TNR: variants seen among roughly 807,000 people sequenced by gnomAD.
TNR encodes the protein tenascin-R.
TNR carries 45 observed loss-of-function variants against 150.4 expected under a neutral mutation model. The ratio of observed to expected loss-of-function variants is 0.30; its 90% CI spans 0.24 to 0.38. The LOEUF (loss-of-function observed/expected upper bound fraction) is 0.38. TNR is among the 10% of genes least tolerant of loss of function. TNR has a pLI of 1.00. For synonymous variants in TNR, 687 were observed against 678.4 expected (o/e 1.01, Z -0.20); for missense variants, 1,544 against 1,759.1 (o/e 0.88, Z 2.19).
intron 2 of TNR, among the ~76,000 whole-genome samples, chr1:175,498,658 G>A (rs1339502832): frequency 6.6e-6 from 1 of 152,178 alleles, no homozygotes; most frequent in Non-Finnish European, 1.5e-5. Flanking sequence ...GCCCTAGTTT[G>A]AAGTTAAGCA....
rs905337038 is a variant in TNR at position 175,690,338 on chromosome 1, T to C, written c.-165+52888A>G. Among the ~76,000 whole-genome samples, 78 of 152,216 alleles carry C rather than the reference T, an allele frequency of 5.1e-4. 2 individuals are homozygous for C. Among genetic ancestry groups the C allele is most frequent in the Non-Finnish European group, 1.5e-5 (1 of 68,030 alleles). On this transcript the variant is annotated intron_variant, in intron 1 of 22. Coordinates refer to ENST00000367674, the MANE Select transcript of TNR (RefSeq NM_003285.3). ...CAACAAATGTTTACACAAGAACATA[T>C]GATCTGGTGACAAGTGTGCAAAGCA...
Position 175,403,422 on chromosome 1 carries a change from C to A in TNR, c.694G>T (p.Glu232Ter). ...CTGCAGTCTGTTGGGCACCGGAGTTCGGAACAGTCATCCCCGCTGTACTCG... is the reference window on the plus strand; with the variant it reads ...CTGCAGTCTGTTGGGCACCGGAGTTAGGAACAGTCATCCCCGCTGTACTCG... Reference protein sequence around the residue: ...DSEYSGDDCSELRCPTDCSSR... With the variant: ...DSEYSGDDCS The change falls in exon 4 of 23, where the codon GAA (glutamate) becomes TAA (stop). Residue 232 changes from glutamate (E) to a stop codon, truncating the protein, a stop_gained. Coordinates refer to ENST00000367674, the MANE Select transcript of TNR (RefSeq NM_003285.3). LOFTEE classifies it high-confidence loss of function. The A allele has an allele frequency of 1.2e-6, 2 of 1,614,224 alleles. No individual in the cohort carries two copies. The highest frequency in any genetic ancestry group is 1.7e-6 in the Non-Finnish European group (2 of 1,180,040).
chr1:175,531,120 T>G (rs1660051300), intron 1 of TNR, among the ~76,000 whole-genome samples: 1 of 152,224 alleles, frequency 6.6e-6, no homozygotes, highest in Admixed American at 6.5e-5. Context: ...TCTTTTCCAC[T>G]TAACCAGTTT....
rs1276970264 is a variant in TNR, at chr1:175,366,458, A to G, written c.2054-320T>C. ...TCTCCCATCCTTTCTCAATGAGCCAATAAGGATAAAATGGTAGCTACCACC... is the reference window on the plus strand; with the variant it reads ...TCTCCCATCCTTTCTCAATGAGCCAGTAAGGATAAAATGGTAGCTACCACC... On this transcript the variant is annotated intron_variant, in intron 10 of 22. Coordinates refer to ENST00000367674, the MANE Select transcript of TNR (RefSeq NM_003285.3). 2.6e-5 allele frequency among the ~76,000 whole-genome samples: 4 copies of G among 152,228 alleles called. No individual in the cohort carries two copies. In the East Asian group the frequency reaches 5.8e-4, roughly 22 times the overall value.
intron 1 of TNR, among the ~76,000 whole-genome samples, chr1:175,614,392 T>C (rs1663701343): frequency 6.6e-6 from 1 of 152,206 alleles, no homozygotes; most frequent in Non-Finnish European, 1.5e-5. Context: ...GTGTCCTCTC[T>C]GTTATTGAAC....
At chr1:175,440,278 A>G (rs948312632) in intron 2 of TNR, among the ~76,000 whole-genome samples, 4 of 152,010 alleles carry the variant, frequency 2.6e-5, no homozygotes, top group Non-Finnish European at 1.5e-5. Context: ...CACGAGGACA[A>G]AAAACCAAAC....
chr1:175,354,216 C>T (rs375140383), intron 18 of TNR, among the ~76,000 whole-genome samples, 175 bp downstream of exon 18: 2 of 152,140 alleles, frequency 1.3e-5, no homozygotes, highest in East Asian at 1.9e-4. Context: ...CTGGTTCCTG[C>T]GGTTACCTTG....
chr1:175,448,131 TC>T (rs560829217), intron 2 of TNR, among the ~76,000 whole-genome samples: 49 of 152,324 alleles, frequency 3.2e-4, no homozygotes, highest in Non-Finnish European at 6.2e-4. Flanking sequence ...AAACTTGGCT[TC>T]TCTGATTAGG....
chr1:175,365,306 C>T, intron 11 of TNR, 27 bp from the exon 12 acceptor site: 2 of 1,570,728 alleles, frequency 1.3e-6, no homozygotes, highest in Non-Finnish European at 1.7e-6. Flanking sequence ...ATGGATGGTC[C>T]TGAAACACGT....
chr1:175,326,523 C>G (rs1259634967), intron 21 of TNR, among the ~76,000 whole-genome samples: 1 of 152,202 alleles, frequency 6.6e-6, no homozygotes, highest in Non-Finnish European at 1.5e-5. Flanking sequence ...ATTCCGTCTT[C>G]TTCGTCTTCC....
At chr1:175,545,188 A>G (rs1476230807) in intron 1 of TNR, among the ~76,000 whole-genome samples, 1 of 152,220 alleles carries the variant, frequency 6.6e-6, no homozygotes, top group Admixed American at 6.5e-5. Context: ...AAAAGAAAAC[A>G]TTTTGAGAAC....
In TNR at chr1:175,331,070, T is replaced by TTCC. The variant is rs1557867964; in HGVS notation, c.3632-836_3632-835insGGA. Among the ~76,000 whole-genome samples, 11 of 113,834 alleles carry TTCC rather than the reference T, an allele frequency of 9.7e-5. 2 individuals are homozygous for TTCC. The highest frequency in any genetic ancestry group is 4.1e-4 in the African/African-American group (11 of 26,890). 74.7% of individuals were successfully genotyped at this position (113,834 alleles called of 152,430 possible). A position where few individuals can be genotyped will look rare whatever the true frequency, so the allele number is the denominator to read the frequency against. ...CTTTCTTTCTTTCTTTCTTTCTTTC[T>TTCC]TTCTTTCCTTCTTTCTTTCTTTCTT... On this transcript the variant is annotated intron_variant, in intron 20 of 22. Coordinates refer to ENST00000367674, the MANE Select transcript of TNR (RefSeq NM_003285.3).
chr1:175,650,533 C>A (rs1246323038), intron 1 of TNR, among the ~76,000 whole-genome samples: 1 of 151,786 alleles, frequency 6.6e-6, no homozygotes, highest in Non-Finnish European at 1.5e-5. Flanking sequence ...CTAATTGGTA[C>A]AGGCTAACAA....
At chr1:175,730,213 G>C (rs1667601076) in intron 1 of TNR, among the ~76,000 whole-genome samples, 1 of 152,134 alleles carries the variant, frequency 6.6e-6, no homozygotes, top group Non-Finnish European at 1.5e-5. Context: ...CCGAGCCTTT[G>C]CATATGCTGT....
chr1:175,663,752 C>T lies in TNR; in HGVS notation c.-165+79474G>A, dbSNP rs117658614. Among the ~76,000 whole-genome samples, 47 of 152,288 alleles carry T rather than the reference C, an allele frequency of 3.1e-4. No homozygotes were observed. In the East Asian group the frequency reaches 8.7e-3, roughly 28 times the overall value. On this transcript the variant is annotated intron_variant, in intron 1 of 22. Transcript: ENST00000367674. ...TGTGTTTAGAAGAGAACAGCCAGGA[C>T]GGCTGAGGATGGAGAACTGTGACTT...
intron 1 of TNR, among the ~76,000 whole-genome samples, chr1:175,656,875 T>C (rs1360359999): frequency 3.3e-5 from 5 of 152,168 alleles, no homozygotes; most frequent in African/African-American, 1.2e-4. Context: ...GCAAATGTGG[T>C]TATGCATTTT....
At chr1:175,696,453 C>T (rs1478494782) in intron 1 of TNR, among the ~76,000 whole-genome samples, 2 of 151,946 alleles carry the variant, frequency 1.3e-5, no homozygotes, top group African/African-American at 4.8e-5. Flanking sequence ...AGATGGTACA[C>T]TGCAAATAGT....
At chr1:175,674,646 C>G (rs1665807528) in intron 1 of TNR, among the ~76,000 whole-genome samples, 1 of 152,142 alleles carries the variant, frequency 6.6e-6, no homozygotes, top group Non-Finnish European at 1.5e-5. Flanking sequence ...CCTGGGCCAT[C>G]TAGACGCTTG....
At chr1:175,343,145 A>G (rs1329591817) in intron 18 of TNR, among the ~76,000 whole-genome samples, 2 of 152,156 alleles carry the variant, frequency 1.3e-5, no homozygotes, top group South Asian at 2.1e-4. Flanking sequence ...TACTTGCCCA[A>G]AACCCTTCAA....
Sources: gnomAD v4.1 joint callset for allele counts (sites outside exome capture counted in the v4.1 genomes callset) on GRCh38, gnomAD v4.1.1 for gene constraint, MANE v1.5 for transcripts, NCBI Gene and HGNC (gene_info 2026-07-23, HGNC 2026-07-21) for gene names.